THRA: variants seen among roughly 807,000 people sequenced by gnomAD.
The protein encoded by THRA is thyroid hormone receptor alpha.
In THRA, 13 loss-of-function variants were observed where a neutral mutation model predicts 45.0. The observed-to-expected ratio is 0.29, with a 90% CI of 0.19 to 0.46. The LOEUF is 0.46. Among genes scored for constraint, THRA ranks in the 20% least tolerant of loss-of-function variants. The pLI is 1.00. For synonymous variants in THRA, 195 were observed against 214.0 expected, an observed-to-expected ratio of 0.91 and a Z score of 0.78; for missense variants, 278 against 556.1, an observed-to-expected ratio of 0.50 and a Z score of 5.03.
intron 1 of THRA, among the ~76,000 whole-genome samples, chr17:40,069,547 C>T (rs1336430211): frequency 6.6e-6 from 1 of 152,042 alleles, no homozygotes; most frequent in Non-Finnish European, 1.5e-5. Context: ...TTCATGCCTC[C>T]AGCATTCAGC....
chr17:40,078,727 CTTT>C (rs746350223), intron 4 of THRA, among the ~76,000 whole-genome samples: 6 of 102,602 alleles, frequency 5.8e-5, no homozygotes, highest in Admixed American at 1.2e-4. Context: ...CAGCCTTCAT[CTTT>C]TTTTTTTTTT....
chr17:40,089,599 C>T lies in THRA; in HGVS notation c.*143C>T. The T allele has an allele frequency of 6.9e-7, 1 of 1,448,638 alleles. No individual in the cohort carries two copies. Among genetic ancestry groups the T allele is most frequent in the Non-Finnish European group, 9.0e-7 (1 of 1,106,658 alleles). 89.7% of individuals were successfully genotyped at this position (1,448,638 alleles called of 1,614,324 possible). A position where few individuals can be genotyped will look rare whatever the true frequency, so the allele number is the denominator to read the frequency against. On this transcript the variant is annotated 3_prime_UTR_variant, in exon 9 of 9. Transcript: ENST00000450525. This position sits in a 1 kb window ranked among gnomAD's most constrained non-coding sequence, Gnocchi z 6.1. The stretch of plus-strand genomic sequence containing the variant: ...GATAGATTCAGCTCCCACACACACA[C>T]CCGCACTGCCCAGGTCCCTCCTCAG...
downstream of THRA, chr17:40,093,339 C>A: frequency 6.2e-7 from 1 of 1,612,988 alleles, no homozygotes. This position sits in a 1 kb window ranked among gnomAD's most constrained non-coding sequence, Gnocchi z 5.9. Flanking sequence ...GAGGAGGAAC[C>A]GGAGGTCTGC....
intron 4 of THRA, 79 bp from the exon 5 acceptor site, chr17:40,083,756 C>A (rs1987226940): frequency 6.7e-7 from 1 of 1,485,236 alleles, no homozygotes; most frequent in Admixed American, 2.1e-5. Flanking sequence ...CCACCCCTGA[C>A]CCCTAGTAAA....
intron 4 of THRA, among the ~76,000 whole-genome samples, chr17:40,078,494 A>G (rs574487597): frequency 2.6e-5 from 4 of 152,164 alleles, no homozygotes; most frequent in Admixed American, 6.5e-5. Flanking sequence ...GTAAAATAAT[A>G]AAATAAAATA....
rs549331666 is a variant in THRA at position 40,078,966 on chromosome 17, G to A, written c.222+1358G>A. ...AGGATGGTCTTGATCTCTTGACCTCGTGATCCGCCCGCCTTGGCCTCCCAA... is the reference window on the plus strand; with the variant it reads ...AGGATGGTCTTGATCTCTTGACCTCATGATCCGCCCGCCTTGGCCTCCCAA... On this transcript the variant is annotated intron_variant, in intron 4 of 8. Coordinates refer to ENST00000450525, the MANE Select transcript of THRA (RefSeq NM_199334.5). Among the ~76,000 whole-genome samples the A allele has an allele frequency of 7.2e-5, 11 of 152,098 alleles. No homozygotes were observed. In the South Asian group the frequency reaches 2.1e-3, roughly 29 times the overall value.
At chr17:40,069,080 C>A (rs1212861908) in intron 1 of THRA, 1 of 151,032 alleles carries the variant, frequency 6.6e-6, no homozygotes, top group Non-Finnish European at 1.5e-5. Context: ...CGCTCTCTCC[C>A]TCCCTCTCTC....
At chr17:40,063,344 G>T (rs922477337) in intron 1 of THRA, among the ~76,000 whole-genome samples, 8 of 152,236 alleles carry the variant, frequency 5.3e-5, no homozygotes, top group African/African-American at 1.7e-4. Context: ...GATGGCGTCC[G>T]AGCCTCCCCC....
upstream of THRA, chr17:40,062,736 G>T (rs1453575027): frequency 6.9e-6 from 1 of 145,860 alleles, no homozygotes; most frequent in African/African-American, 2.5e-5. Flanking sequence ...GGCAGAGGCG[G>T]CCGAGGGGCG....
At chr17:40,086,501 C>T (rs114308371) in intron 6 of THRA, among the ~76,000 whole-genome samples, 93 of 152,298 alleles carry the variant, frequency 6.1e-4, no homozygotes, top group African/African-American at 2.2e-3. Context: ...ACTACTGTTA[C>T]TACCGTTGTT....
At position 40,091,231 on chromosome 17, in the gene THRA, T is replaced by TACACACACACACACACACACACACACAC. The variant is rs71152640; in HGVS notation, c.*1788_*1815dup. ...TGACCCTCAGCCTGCCACAGCCCCC[T>TACACACACACACACACACACACACACAC]ACACACACACACACACACACACACA... On this transcript the variant is annotated 3_prime_UTR_variant, in exon 9 of 9. Transcript: ENST00000450525. The TACACACACACACACACACACACACACAC allele has an allele frequency of 7.0e-6, 1 of 142,246 alleles. No homozygotes were observed. Among genetic ancestry groups the TACACACACACACACACACACACACACAC allele is most frequent in the Non-Finnish European group, 1.5e-5 (1 of 65,486 alleles). The allele number at this position is 142,246 out of a possible 1,614,324, so 8.8% of individuals were successfully genotyped here.
chr17:40,087,175 AACAC>A (rs1338075617), intron 7 of THRA, among the ~76,000 whole-genome samples: 45 of 141,546 alleles, frequency 3.2e-4, no homozygotes, highest in Non-Finnish European at 6.3e-4. Flanking sequence ...GATACATAGA[AACAC>A]ACACAGACAT....
chr17:40,069,708 G>A (rs1157847628), intron 1 of THRA, among the ~76,000 whole-genome samples: 2 of 151,730 alleles, frequency 1.3e-5, no homozygotes, highest in African/African-American at 2.4e-5. Flanking sequence ...CAGGGGGGGC[G>A]TGAAGTTCTG....
intron 5 of THRA, 84 bp downstream of exon 5, chr17:40,084,066 C>A: frequency 6.8e-7 from 1 of 1,476,494 alleles, no homozygotes. Context: ...TCCAGGGTAC[C>A]CTCAGAGCCC....
rs1986882278 is a variant in THRA at position 40,074,465 on chromosome 17, G to A, written c.-24G>A. On this transcript the variant is annotated 5_prime_UTR_variant, in exon 2 of 9. Coordinates refer to ENST00000450525, the MANE Select transcript of THRA (RefSeq NM_199334.5). Reference sequence around the variant, plus strand: ...CCCCAGTCTCTTGGCGTGCTGGAGGGCATCCTGGATGGAATTGAAGTGAAT... The same window carrying A: ...CCCCAGTCTCTTGGCGTGCTGGAGGACATCCTGGATGGAATTGAAGTGAAT... 1 of 1,613,776 alleles carries A rather than the reference G, an allele frequency of 6.2e-7. No individual in the cohort carries two copies. Among genetic ancestry groups the A allele is most frequent in the Non-Finnish European group, 8.5e-7 (1 of 1,179,846 alleles).
Position 40,086,699 on chromosome 17 carries a change from C to T in THRA, c.577-8C>T. The T allele has an allele frequency of 6.2e-7, 1 of 1,610,870 alleles. No homozygotes were observed. ...GCGGCCCCAGCTGACCCCCGTCTTT[C>T]TCTCTAGCCCGATGACATTGGCCAG... is the stretch of plus-strand genomic sequence containing the variant. On this transcript the variant is annotated splice_region_variant and splice_polypyrimidine_tract_variant and intron_variant, in intron 6 of 8. Transcript: ENST00000450525.
chr17:40,062,738 C>G (rs1343802847), upstream of THRA: 1 of 110,852 alleles, frequency 9.0e-6, no homozygotes, highest in African/African-American at 3.4e-5. Flanking sequence ...CAGAGGCGGC[C>G]GAGGGGCGGC....
At chr17:40,067,194 T>C (rs1986605653) in intron 1 of THRA, among the ~76,000 whole-genome samples, 2 of 152,072 alleles carry the variant, frequency 1.3e-5, no homozygotes, top group South Asian at 4.1e-4. Flanking sequence ...TGCCCCACCC[T>C]CCTTTGACCC....
intron 1 of THRA, among the ~76,000 whole-genome samples, chr17:40,068,112 G>T (rs934505438): frequency 6.6e-6 from 1 of 152,238 alleles, no homozygotes; most frequent in African/African-American, 2.4e-5. Context: ...TTGGAGAACT[G>T]TTGTGTCTCT....
Sources: gnomAD v4.1 joint callset for allele counts (sites outside exome capture counted in the v4.1 genomes callset) on GRCh38, gnomAD v4.1.1 for gene constraint, Gnocchi (gnomAD v3.1) non-coding constraint, MANE v1.5 for transcripts, NCBI Gene and HGNC (gene_info 2026-07-23, HGNC 2026-07-21) for gene names.